TUSC3: variants seen among roughly 807,000 people sequenced by gnomAD.
TUSC3 encodes tumor suppressor candidate 3, also known as dolichyl-diphosphooligosaccharide--protein glycosyltransferase subunit TUSC3.
TUSC3 carries 45 observed loss-of-function variants against 44.8 expected under a neutral mutation model. The ratio of observed to expected loss-of-function variants is 1.00; its 90% CI spans 0.79 to 1.29. The LOEUF is 1.29. Among genes scored for constraint, TUSC3 ranks in the 50% most tolerant of loss-of-function variants. The pLI is 0.00. For missense variants in TUSC3, 519 were observed against 437.9 expected, an observed-to-expected ratio of 1.19 and a Z score of -1.65; for synonymous variants, 212 against 152.9, an observed-to-expected ratio of 1.39 and a Z score of -2.85.
At chr8:15,627,654 C>T (rs1416683051) in intron 2 of TUSC3, among the ~76,000 whole-genome samples, 13 of 152,236 alleles carry the variant, frequency 8.5e-5, no homozygotes, top group Admixed American at 8.5e-4. Flanking sequence ...TGTCTCCAAG[C>T]TTCCGGTGCC....
chr8:15,806,860 T>C, the TUSC3 span: 2 of 1,081,156 alleles, frequency 1.8e-6, no homozygotes, highest in Non-Finnish European at 2.8e-6. Context: ...TCTTCATAGT[T>C]AATGAAATAA....
At chr8:15,673,659 T>C in intron 5 of TUSC3, 88 bp from the exon 6 acceptor site, 1 of 1,120,348 alleles carries the variant, frequency 8.9e-7, no homozygotes, top group Non-Finnish European at 1.4e-6. Flanking sequence ...TTTTAAAAGA[T>C]ACTTTCATGA....
At chr8:15,435,819 A>C (rs958025587) in intron 1 of TUSC3, among the ~76,000 whole-genome samples, 1 of 152,208 alleles carries the variant, frequency 6.6e-6, no homozygotes. Flanking sequence ...TTAATGAACA[A>C]CTTGAACAAT....
chr8:15,423,997 T>TG (rs1799774617), intron 1 of TUSC3, among the ~76,000 whole-genome samples: 1 of 134,536 alleles, frequency 7.4e-6, no homozygotes, highest in Non-Finnish European at 1.6e-5. Context: ...TTTTTTTTTT[T>TG]TTTTTTTTTT....
chr8:15,469,940 G>A (rs1227804503), intron 1 of TUSC3, among the ~76,000 whole-genome samples: 1 of 152,094 alleles, frequency 6.6e-6, no homozygotes, highest in Non-Finnish European at 1.5e-5. Context: ...TCTAGAAAAG[G>A]AAAAATTATG....
the TUSC3 span, among the ~76,000 whole-genome samples, chr8:15,843,621 T>TATATATATATATATATATAC: frequency 1.3e-3 from 197 of 146,680 alleles, 1 homozygote; most frequent in African/African-American, 5.0e-3. Flanking sequence ...TATATATATA[T>TATATATATATATATATATAC]ACACGCACAT....
rs1001677176 is a variant in TUSC3, at chr8:15,424,100, C to G, written n.91+6795C>G. Among the ~76,000 whole-genome samples, 7 of 145,718 alleles carry G rather than the reference C, an allele frequency of 4.8e-5. No individual in the cohort carries two copies. The Admixed American group carries it at 5.0e-4, about 11-fold the overall frequency. On this transcript the variant is annotated intron_variant and non_coding_transcript_variant, in intron 1 of 5. Coordinates refer to the TUSC3 transcript ENST00000503191. ...CTACCTCCTGGGTTCAAACGATTCT[C>G]CTGCCTCAGCCTTCCAAGTAGCTGG...
chr8:15,470,301 G>C (rs1015316468), intron 1 of TUSC3, among the ~76,000 whole-genome samples: 6 of 151,424 alleles, frequency 4.0e-5, no homozygotes, highest in African/African-American at 1.5e-4. Context: ...GGTTCAAGGA[G>C]GGAAAGATGA....
rs1276877969 is a variant in TUSC3 at position 15,446,135 on chromosome 8, C to T, written n.91+28830C>T. On this transcript the variant is annotated intron_variant and non_coding_transcript_variant, in intron 1 of 5. Coordinates refer to the TUSC3 transcript ENST00000503191. ...ACTCCTCAGATCCCAGACGGGGTCGCGGCCGGGCAGAGGCGCTCCTCACAT... is the reference window on the plus strand; with the variant it reads ...ACTCCTCAGATCCCAGACGGGGTCGTGGCCGGGCAGAGGCGCTCCTCACAT... 1.6e-4 allele frequency among the ~76,000 whole-genome samples: 24 copies of T among 151,790 alleles called. No individual in the cohort carries two copies. The East Asian group carries it at 1.8e-3, about 11-fold the overall frequency.
At chr8:15,738,827 C>CTTTTTTTTTCTTTCTTTTTT (rs1554484836) in intron 7 of TUSC3, among the ~76,000 whole-genome samples, 3 of 87,172 alleles carry the variant, frequency 3.4e-5, no homozygotes, top group African/African-American at 4.9e-5. Flanking sequence ...ATATATCTTG[C>CTTTTTTTTTCTTTCTTTTTT]TTTTTTTTTT....
intron 1 of TUSC3, among the ~76,000 whole-genome samples, chr8:15,576,281 T>G (rs1432203170): frequency 8.5e-5 from 11 of 129,614 alleles, no homozygotes; most frequent in African/African-American, 3.4e-4. Context: ...GTCCTCTTGT[T>G]TTTTTTTTTT....
At chr8:15,425,836 C>T (rs1799796821) in intron 1 of TUSC3, among the ~76,000 whole-genome samples, 1 of 152,130 alleles carries the variant, frequency 6.6e-6, no homozygotes. Context: ...TCAATGTATC[C>T]TATGTCAAAC....
chr8:15,776,058 A>G, the TUSC3 span, among the ~76,000 whole-genome samples: 1 of 152,070 alleles, frequency 6.6e-6, no homozygotes, highest in African/African-American at 2.4e-5. Context: ...CTATTCTCCA[A>G]ATACAGAATA....
intron 1 of TUSC3, among the ~76,000 whole-genome samples, chr8:15,595,675 C>T (rs553618746): frequency 6.6e-6 from 1 of 152,030 alleles, no homozygotes; most frequent in East Asian, 1.9e-4. Flanking sequence ...TCAAAAGCAT[C>T]CAGAGATTGA....
intron 6 of TUSC3, chr8:15,689,143 T>C: frequency 2.5e-6 from 1 of 395,720 alleles, no homozygotes; most frequent in South Asian, 2.1e-5. Context: ...AGCTCATTTA[T>C]CGCTTTTTCT....
chr8:15,448,390 A>T (rs905583946), intron 1 of TUSC3, among the ~76,000 whole-genome samples: 1 of 152,050 alleles, frequency 6.6e-6, no homozygotes, highest in Non-Finnish European at 1.5e-5. Flanking sequence ...AAGTGCTGGG[A>T]TTACAGACAT....
chr8:15,474,683 C>G lies in TUSC3; in HGVS notation n.92-8703C>G, dbSNP rs145955112. Among the ~76,000 whole-genome samples, 3 of 152,074 alleles carry G rather than the reference C, an allele frequency of 2.0e-5. No homozygotes were observed. In the East Asian group the frequency reaches 5.8e-4, roughly 29 times the overall value. On this transcript the variant is annotated intron_variant and non_coding_transcript_variant, in intron 1 of 5. Transcript: ENST00000503191. ...GATCACACTTTTTAACAAGTTAATACGTATATTTGTTTTCTCTTAAAAAAA... is the reference window on the plus strand; with the variant it reads ...GATCACACTTTTTAACAAGTTAATAGGTATATTTGTTTTCTCTTAAAAAAA...
At chr8:15,418,927 G>T (rs1220228572) in intron 1 of TUSC3, among the ~76,000 whole-genome samples, 3 of 152,132 alleles carry the variant, frequency 2.0e-5, no homozygotes, top group African/African-American at 7.2e-5. Flanking sequence ...GATCACATGA[G>T]CCCTGGAGGT....
intron 6 of TUSC3, among the ~76,000 whole-genome samples, chr8:15,709,748 A>G (rs1809765624): frequency 6.6e-6 from 1 of 151,892 alleles, no homozygotes; most frequent in Non-Finnish European, 1.5e-5. Flanking sequence ...TAAGGAAAGT[A>G]TGGCTTAGAG....
Sources: gnomAD v4.1 joint callset for allele counts (sites outside exome capture counted in the v4.1 genomes callset) on GRCh38, gnomAD v4.1.1 for gene constraint, MANE v1.5 for transcripts, NCBI Gene and HGNC (gene_info 2026-07-23, HGNC 2026-07-21) for gene names.